The following PRKCZ variants were observed in gnomAD, a reference collection of about 807,000 sequenced individuals.
PRKCZ encodes protein kinase C zeta type.
A neutral mutation model predicts 79.5 loss-of-function variants in PRKCZ; 33 were observed. The ratio of observed to expected loss-of-function variants is 0.41; its 90% CI spans 0.31 to 0.55. PRKCZ has a LOEUF of 0.55. Ranked by LOEUF, PRKCZ falls within the 20% of genes least tolerant of loss-of-function variation. PRKCZ has a pLI of 0.19. For synonymous variants in PRKCZ, 342 were observed against 320.9 expected (o/e 1.07, Z -0.70); for missense variants, 578 against 813.5 (o/e 0.71, Z 3.52).
At chr1:2,091,285 T>C (rs556883648) in intron 4 of PRKCZ, among the ~76,000 whole-genome samples, 2 of 152,158 alleles carry the variant, frequency 1.3e-5, no homozygotes, top group Non-Finnish European at 2.9e-5. Context: ...GATCTGCCCG[T>C]CTTGGCCTCC....
chr1:2,093,924 A>G (rs773488543), intron 4 of PRKCZ, among the ~76,000 whole-genome samples: 9 of 152,138 alleles, frequency 5.9e-5, no homozygotes, highest in Admixed American at 1.3e-4. Context: ...GCCGGGCACT[A>G]AGGGCTGAGT....
At chr1:2,151,094 T>A in intron 9 of PRKCZ, 116 bp downstream of exon 9, 1 of 1,283,778 alleles carries the variant, frequency 7.8e-7, no homozygotes, top group Admixed American at 2.6e-5. Flanking sequence ...GTTGACGGAG[T>A]TTGTGCAAAA....
At chr1:2,056,709 A>G in intron 3 of PRKCZ, 136 bp downstream of exon 3, 1 of 669,490 alleles carries the variant, frequency 1.5e-6, no homozygotes, top group East Asian at 3.5e-5. Flanking sequence ...ATATAATGCC[A>G]TTTGGGTTTT....
intron 4 of PRKCZ, among the ~76,000 whole-genome samples, chr1:2,130,384 C>T (rs1674723001): frequency 6.6e-6 from 1 of 152,274 alleles, no homozygotes; most frequent in Admixed American, 6.5e-5. Context: ...TCCCCAGGGC[C>T]AGGGGCTCCT....
chr1:2,122,879 T>C (rs111154291), intron 4 of PRKCZ, among the ~76,000 whole-genome samples: 1 of 10,862 alleles, frequency 9.2e-5, no homozygotes, highest in Non-Finnish European at 1.6e-4. Context: ...AGGGTCACGG[T>C]GGTGGTTAGG....
chr1:2,144,594 G>A (rs1371516421), intron 6 of PRKCZ: 186 of 1,347,362 alleles, frequency 1.4e-4, no homozygotes, highest in Non-Finnish European at 1.7e-4. Flanking sequence ...GGTAGGACGT[G>A]GTACGCTCTG....
chr1:2,079,094 G>A (rs561723099), intron 4 of PRKCZ, among the ~76,000 whole-genome samples: 4 of 152,272 alleles, frequency 2.6e-5, no homozygotes, highest in East Asian at 1.9e-4. Flanking sequence ...CGCCCGCCTC[G>A]GCCTCCCAAA....
intron 10 of PRKCZ, 91 bp downstream of exon 10, chr1:2,156,183 C>T (rs1681009187): frequency 2.5e-6 from 3 of 1,221,902 alleles, no homozygotes; most frequent in East Asian, 2.4e-5. Flanking sequence ...CAACTGTCAC[C>T]TGTAAGGTTC....
Position 2,172,795 on chromosome 1 carries a change from G to A in PRKCZ, c.1285+407G>A, listed in dbSNP as rs546455106. On this transcript the variant is annotated intron_variant, in intron 13 of 17. Transcript: ENST00000378567. The surrounding 1 kb of genome is among the most constrained non-coding windows in gnomAD (Gnocchi z 7.8). ...CCCCACAGGCCCTGCGGCTGAGGAC[G>A]CCGTGCACACCAGAGTGTTTCTGCT... is the stretch of plus-strand genomic sequence containing the variant. Among the ~76,000 whole-genome samples, 5 of 152,222 alleles carry A rather than the reference G, an allele frequency of 3.3e-5. No homozygotes were observed. The highest frequency in any genetic ancestry group is 6.5e-5 in the Admixed American group (1 of 15,288).
At chr1:2,179,766 G>A (rs1197721754) in intron 16 of PRKCZ, among the ~76,000 whole-genome samples, 2 of 152,214 alleles carry the variant, frequency 1.3e-5, no homozygotes, top group Admixed American at 1.3e-4. Flanking sequence ...GAGGCCCCAG[G>A]GAGGAGCAAG....
intron 10 of PRKCZ, among the ~76,000 whole-genome samples, chr1:2,160,382 G>A (rs892646683): frequency 1.2e-4 from 18 of 152,146 alleles, no homozygotes; most frequent in Admixed American, 5.2e-4. Flanking sequence ...CGTGGCACCC[G>A]GGGAGGGTCC....
At chr1:2,120,794 A>T (rs1384990682) in intron 4 of PRKCZ, among the ~76,000 whole-genome samples, 1 of 148,566 alleles carries the variant, frequency 6.7e-6, no homozygotes, top group Non-Finnish European at 1.5e-5. Context: ...TTAAATTATT[A>T]ATTTCAGTCA....
rs1683740853 is a variant in PRKCZ, at chr1:2,168,342, T to C, written c.975-1176T>C. ...GGACAAGGGCCAGGTTACCAGAGAA[T>C]TTCCAGGCACATCCGTTGGAGGCAG... On this transcript the variant is annotated intron_variant, in intron 10 of 17. Transcript: ENST00000378567. This position sits in a 1 kb window ranked among gnomAD's most constrained non-coding sequence, Gnocchi z 4.7. 6.6e-6 allele frequency among the ~76,000 whole-genome samples: 1 copy of C among 152,062 alleles called. No individual in the cohort carries two copies. The highest frequency in any genetic ancestry group is 1.5e-5 in the Non-Finnish European group (1 of 68,014).
intron 4 of PRKCZ, among the ~76,000 whole-genome samples, chr1:2,067,115 T>A (rs1295306185): frequency 3.3e-5 from 5 of 152,222 alleles, no homozygotes; most frequent in African/African-American, 1.2e-4. Context: ...AAGTTCATCT[T>A]GATGTGGTTG....
intron 16 of PRKCZ, among the ~76,000 whole-genome samples, chr1:2,176,285 C>T (rs1279502539): frequency 2.0e-5 from 3 of 152,126 alleles, no homozygotes; most frequent in East Asian, 1.9e-4. Flanking sequence ...GGGGTTTTGC[C>T]GGACTGTAGG....
At chr1:2,130,114 T>C (rs923828745) in intron 4 of PRKCZ, among the ~76,000 whole-genome samples, 6 of 152,154 alleles carry the variant, frequency 3.9e-5, no homozygotes, top group Non-Finnish European at 7.4e-5. Flanking sequence ...CCATATTGCC[T>C]AGGCTGGATT....
intron 1 of PRKCZ, among the ~76,000 whole-genome samples, chr1:2,053,194 A>G (rs1659849089): frequency 6.6e-6 from 1 of 151,040 alleles, no homozygotes; most frequent in South Asian, 2.1e-4. Flanking sequence ...TTCACCTCCG[A>G]GGTTCAAGCA....
rs772730661 is a variant in PRKCZ at position 2,059,503 on chromosome 1, C to T, written c.284-38C>T. On this transcript the variant is annotated intron_variant, in intron 3 of 17. Coordinates refer to ENST00000378567, the MANE Select transcript of PRKCZ (RefSeq NM_002744.6). ...CCGTGAGACTGTTGAGTGGCAGCCG[C>T]AGGGTCTTGACGCTGTCTCTTTCTC... 7 of 1,612,466 alleles carry T rather than the reference C, an allele frequency of 4.3e-6. No individual in the cohort carries two copies. In the Admixed American group the frequency reaches 5.0e-5, roughly 12 times the overall value.
intron 4 of PRKCZ, among the ~76,000 whole-genome samples, chr1:2,081,501 G>A (rs1663508777): frequency 6.6e-6 from 1 of 152,210 alleles, no homozygotes. Flanking sequence ...TGGCCAGGAC[G>A]TCCCATGGCT....
Sources: allele counts gnomAD v4.1 joint callset (sites outside exome capture counted in the v4.1 genomes callset), GRCh38; gene constraint gnomAD v4.1.1; non-coding constraint Gnocchi (gnomAD v3.1); transcripts MANE v1.5; gene names NCBI Gene and HGNC (gene_info 2026-07-23, HGNC 2026-07-21).